PPP1R12B: variants seen among roughly 807,000 people sequenced by gnomAD.
PPP1R12B encodes the protein myosin phosphatase target subunit 2.
A neutral mutation model predicts 126.1 loss-of-function variants in PPP1R12B; 76 were observed. That is an observed-to-expected ratio of 0.60 (90% CI 0.50 to 0.73). The LOEUF (loss-of-function observed/expected upper bound fraction) is 0.73, where lower values mean the gene tolerates loss of function less well. Among genes scored for constraint, PPP1R12B ranks in the 30% least tolerant of loss-of-function variants. The pLI, the probability that PPP1R12B is intolerant of heterozygous loss-of-function variation, is 0.00. For synonymous variants in PPP1R12B, 356 were observed against 434.7 expected (o/e 0.82, Z 2.25); for missense variants, 1,052 against 1,205.1 (o/e 0.87, Z 1.88).
intron 1 of PPP1R12B, among the ~76,000 whole-genome samples, chr1:202,382,563 A>G (rs1662498801): frequency 6.6e-6 from 1 of 151,588 alleles, no homozygotes; most frequent in African/African-American, 2.4e-5. Flanking sequence ...GAGGAAATGA[A>G]TTTCTTTGAG....
intron 3 of PPP1R12B, among the ~76,000 whole-genome samples, chr1:202,424,008 T>C (rs916344671): frequency 5.3e-5 from 8 of 152,180 alleles, no homozygotes; most frequent in Middle Eastern, 3.2e-3. Context: ...AATTGAAGAA[T>C]TTTATGCTTA....
intron 1 of PPP1R12B, among the ~76,000 whole-genome samples, chr1:202,415,206 T>G (rs1440350974): frequency 6.6e-6 from 1 of 152,234 alleles, no homozygotes; most frequent in Non-Finnish European, 1.5e-5. Flanking sequence ...AGGTTATTCT[T>G]AAGTGAAACT....
rs3817226 is a variant in PPP1R12B at position 202,495,694 on chromosome 1, G to T, written c.2448+12G>T. On this transcript the variant is annotated intron_variant, in intron 17 of 23. Transcript: ENST00000608999. ...TCTGGACAAAGGATGTAAGTGGATT[G>T]GTCTGTGCTGAGGCATATCATATTA... The T allele has an allele frequency of 1.2e-6, 2 of 1,608,884 alleles. No individual in the cohort carries two copies. The highest frequency in any genetic ancestry group is 1.7e-6 in the Non-Finnish European group (2 of 1,175,338).
rs935888437 is a variant in PPP1R12B at position 202,532,774 on chromosome 1, G to GT, written c.2491-26093dup. On this transcript the variant is annotated intron_variant, in intron 18 of 23. Coordinates refer to ENST00000608999, the MANE Select transcript of PPP1R12B (RefSeq NM_002481.4). Reference sequence around the variant, plus strand: ...CACTGTAGTGAGATGAAAAAACTCTGTTTTTTTTTTAAACACTGTTAAACT... The same window carrying GT: ...CACTGTAGTGAGATGAAAAAACTCTGTTTTTTTTTTTAAACACTGTTAAACT... Among the ~76,000 whole-genome samples, 33 of 123,974 alleles carry GT rather than the reference G, an allele frequency of 2.7e-4. 1 individual carries two copies. Among genetic ancestry groups the GT allele is most frequent in the South Asian group, 5.5e-4 (2 of 3,668 alleles). 81.3% of individuals were successfully genotyped at this position (123,974 alleles called of 152,430 possible).
chr1:202,389,475 T>C (rs1252105034), intron 1 of PPP1R12B, among the ~76,000 whole-genome samples: 8 of 151,246 alleles, frequency 5.3e-5, no homozygotes, highest in Admixed American at 4.6e-4. Flanking sequence ...AAACCCCGTC[T>C]CTACTAAAAA....
chr1:202,397,849 A>G (rs1347623303), intron 1 of PPP1R12B, among the ~76,000 whole-genome samples: 2 of 152,214 alleles, frequency 1.3e-5, no homozygotes, highest in Non-Finnish European at 2.9e-5. Flanking sequence ...GAAAATCATG[A>G]TAGCAATGGT....
At chr1:202,383,305 A>C (rs1282809448) in intron 1 of PPP1R12B, among the ~76,000 whole-genome samples, 1 of 152,256 alleles carries the variant, frequency 6.6e-6, no homozygotes, top group Non-Finnish European at 1.5e-5. Context: ...AATACAGTTG[A>C]ATATATCTTC....
At chr1:202,421,606 C>T (rs1668786892) in intron 2 of PPP1R12B, among the ~76,000 whole-genome samples, 1 of 150,698 alleles carries the variant, frequency 6.6e-6, no homozygotes, top group East Asian at 1.9e-4. Context: ...CACCATTGCA[C>T]TCCAGCCTGA....
chr1:202,491,222 C>G (rs1269417138), intron 14 of PPP1R12B, among the ~76,000 whole-genome samples: 1 of 151,876 alleles, frequency 6.6e-6, no homozygotes, highest in Non-Finnish European at 1.5e-5. Flanking sequence ...CCTCAGGGTT[C>G]AAGCAATTCT....
At chr1:202,462,947 A>T (rs1481829265) in intron 13 of PPP1R12B, 16 of 985,274 alleles carry the variant, frequency 1.6e-5, no homozygotes, top group Non-Finnish European at 1.9e-5. Context: ...GTTTTATGGA[A>T]ATCAGAGGCA....
intron 1 of PPP1R12B, among the ~76,000 whole-genome samples, chr1:202,415,609 C>T (rs1247208383): frequency 6.6e-6 from 1 of 152,072 alleles, no homozygotes; most frequent in Non-Finnish European, 1.5e-5. Context: ...GTAGCTATGT[C>T]AAGATCTTTT....
intron 18 of PPP1R12B, among the ~76,000 whole-genome samples, chr1:202,513,335 A>G (rs1177099358): frequency 1.3e-5 from 2 of 152,190 alleles, no homozygotes; most frequent in Non-Finnish European, 2.9e-5. Flanking sequence ...CTGTGAATAG[A>G]GAACAATGCA....
intron 1 of PPP1R12B, among the ~76,000 whole-genome samples, chr1:202,379,802 T>TA (rs1661935491): frequency 1.3e-5 from 2 of 152,226 alleles, no homozygotes; most frequent in Non-Finnish European, 2.9e-5. Context: ...TACATCAGAA[T>TA]ACTCATTAAA....
At chr1:202,387,524 T>G (rs1663350067) in intron 1 of PPP1R12B, among the ~76,000 whole-genome samples, 1 of 152,194 alleles carries the variant, frequency 6.6e-6, no homozygotes, top group African/African-American at 2.4e-5. Context: ...AAAAGACAAC[T>G]TAAATGTGCC....
chr1:202,412,023 A>G (rs1406461454), intron 1 of PPP1R12B, among the ~76,000 whole-genome samples: 4 of 152,242 alleles, frequency 2.6e-5, no homozygotes, highest in Non-Finnish European at 5.9e-5. Flanking sequence ...GGAATGATTT[A>G]GACAGTTGGC....
intron 1 of PPP1R12B, among the ~76,000 whole-genome samples, chr1:202,362,472 TG>T (rs1658382737): frequency 6.6e-6 from 1 of 152,160 alleles, no homozygotes; most frequent in Non-Finnish European, 1.5e-5. Context: ...ACTTCACAAT[TG>T]CCGTACAGGG....
At chr1:202,562,945 C>A in intron 20 of PPP1R12B, 23 bp downstream of exon 20, 1 of 1,536,668 alleles carries the variant, frequency 6.5e-7, no homozygotes, top group South Asian at 1.3e-5. Flanking sequence ...TTCAATTTTC[C>A]GGTTCTTTGG....
intron 1 of PPP1R12B, among the ~76,000 whole-genome samples, chr1:202,413,021 G>A (rs1667607264): frequency 6.6e-6 from 1 of 151,824 alleles, no homozygotes; most frequent in South Asian, 2.1e-4. Context: ...ATATACTTGT[G>A]GAAGTTGATA....
chr1:202,360,213 T>C (rs1657910004), intron 1 of PPP1R12B, among the ~76,000 whole-genome samples: 1 of 152,214 alleles, frequency 6.6e-6, no homozygotes, highest in East Asian at 1.9e-4. Flanking sequence ...TGGTGGTATG[T>C]ACTTCCATGA....
Sources: allele counts gnomAD v4.1 joint callset (sites outside exome capture counted in the v4.1 genomes callset), GRCh38; gene constraint gnomAD v4.1.1; transcripts MANE v1.5; gene names NCBI Gene and HGNC (gene_info 2026-07-23, HGNC 2026-07-21).